The following NTM variants were observed in gnomAD, a reference collection of about 807,000 sequenced individuals.
NTM encodes neurotrimin.
In NTM, 13 loss-of-function variants were observed where a neutral mutation model predicts 42.1. That is an observed-to-expected ratio of 0.31 (90% CI 0.20 to 0.49). The LOEUF (loss-of-function observed/expected upper bound fraction) is 0.49, where lower values mean the gene tolerates loss of function less well. NTM is among the 20% of genes least tolerant of loss of function. The pLI, the probability that NTM is intolerant of heterozygous loss-of-function variation, is 0.99. For missense variants in NTM, 373 were observed against 452.8 expected, an observed-to-expected ratio of 0.82 and a Z score of 1.60; for synonymous variants, 187 against 179.2, an observed-to-expected ratio of 1.04 and a Z score of -0.35.
At chr11:131,779,138 G>A (rs1275841666) in intron 1 of NTM, among the ~76,000 whole-genome samples, 3 of 152,188 alleles carry the variant, frequency 2.0e-5, no homozygotes, top group African/African-American at 7.2e-5. Flanking sequence ...CAGCTCATAA[G>A]ATCACAAGGA....
At chr11:131,807,094 T>G (rs1436258) in intron 1 of NTM, among the ~76,000 whole-genome samples, 120,807 of 152,008 alleles carry the variant, frequency 0.79, 48,756 homozygotes, top group African/African-American at 0.91. Flanking sequence ...AGAAGGAACA[T>G]TCCAGTCCAA....
intron 2 of NTM, among the ~76,000 whole-genome samples, chr11:132,057,500 C>T (rs1259762579): frequency 1.3e-5 from 2 of 152,154 alleles, no homozygotes; most frequent in Non-Finnish European, 2.9e-5. Flanking sequence ...TAAATACTTG[C>T]AATTTTTCCT....
intron 1 of NTM, among the ~76,000 whole-genome samples, chr11:131,436,629 A>G (rs1949158883): frequency 6.6e-6 from 1 of 152,076 alleles, no homozygotes; most frequent in African/African-American, 2.4e-5. Context: ...CGGTGGTGAT[A>G]TCCCATTTAT....
intron 4 of NTM, among the ~76,000 whole-genome samples, chr11:132,218,406 A>G (rs1170020796): frequency 6.6e-6 from 1 of 152,188 alleles, no homozygotes; most frequent in Non-Finnish European, 1.5e-5. Context: ...TCCTTGCAAT[A>G]ATCCAAGAAG....
At chr11:132,076,871 C>A (rs2058434044) in intron 2 of NTM, among the ~76,000 whole-genome samples, 1 of 152,170 alleles carries the variant, frequency 6.6e-6, no homozygotes, top group Admixed American at 6.5e-5. Flanking sequence ...TTGGTCTTGT[C>A]ATCATTTTTA....
chr11:131,649,000 A>C (rs1446145261), intron 1 of NTM, among the ~76,000 whole-genome samples: 1 of 152,226 alleles, frequency 6.6e-6, no homozygotes, highest in East Asian at 1.9e-4. Context: ...CTGAGAAAAA[A>C]GCAGGCCCCC....
At chr11:131,403,716 A>G (rs920077408) in intron 1 of NTM, among the ~76,000 whole-genome samples, 1 of 152,208 alleles carries the variant, frequency 6.6e-6, no homozygotes, top group African/African-American at 2.4e-5. Flanking sequence ...ATAATCTTCC[A>G]AAAATCTCCT....
intron 3 of NTM, among the ~76,000 whole-genome samples, chr11:132,206,353 C>T (rs2081990425): frequency 6.6e-6 from 1 of 152,164 alleles, no homozygotes; most frequent in Non-Finnish European, 1.5e-5. Flanking sequence ...TCCCATTTTT[C>T]ATTGATTCTG....
intron 1 of NTM, among the ~76,000 whole-genome samples, chr11:131,600,294 T>C (rs1392845438): frequency 6.6e-6 from 1 of 152,178 alleles, no homozygotes; most frequent in Non-Finnish European, 1.5e-5. Context: ...GGATGAATAA[T>C]AGAAAAGGTT....
chr11:131,601,481 A>T (rs1781547890), intron 1 of NTM, among the ~76,000 whole-genome samples: 1 of 152,204 alleles, frequency 6.6e-6, no homozygotes, highest in South Asian at 2.1e-4. Context: ...TGAATAATTA[A>T]ATCATTTGTT....
At chr11:131,449,563 A>G (rs1048591812) in intron 1 of NTM, among the ~76,000 whole-genome samples, 6 of 152,180 alleles carry the variant, frequency 3.9e-5, no homozygotes, top group Admixed American at 3.3e-4. Flanking sequence ...TGATGGCTGC[A>G]CAGCCAGATG....
rs554556623 is a variant in NTM, at chr11:132,208,208, G to T, written c.401-3814G>T. Among the ~76,000 whole-genome samples, 7 of 152,332 alleles carry T rather than the reference G, an allele frequency of 4.6e-5. No individual in the cohort carries two copies. In the South Asian group the frequency reaches 1.4e-3, roughly 32 times the overall value. On this transcript the variant is annotated intron_variant, in intron 3 of 8. Coordinates refer to ENST00000683400, the MANE Select transcript of NTM (RefSeq NM_001352005.2). Reference sequence around the variant, plus strand: ...GAAGCTTCCTTATGAGGATGGCTTAGCTAAAACCACAGTGCACCCTAATCA... The same window carrying T: ...GAAGCTTCCTTATGAGGATGGCTTATCTAAAACCACAGTGCACCCTAATCA...
At chr11:131,723,331 G>A (rs1331161015) in intron 1 of NTM, among the ~76,000 whole-genome samples, 4 of 152,226 alleles carry the variant, frequency 2.6e-5, no homozygotes, top group African/African-American at 9.6e-5. Context: ...GTAGAGCCAA[G>A]GATCAGTTAC....
chr11:131,786,706 A>C (rs770828935), intron 1 of NTM, among the ~76,000 whole-genome samples: 9 of 151,928 alleles, frequency 5.9e-5, no homozygotes, highest in Non-Finnish European at 1.2e-4. Context: ...AAAACATGTT[A>C]AAGTCAAGCT....
At chr11:131,885,246 C>G (rs1360667431) in intron 1 of NTM, among the ~76,000 whole-genome samples, 1 of 152,172 alleles carries the variant, frequency 6.6e-6, no homozygotes, top group Non-Finnish European at 1.5e-5. Context: ...AGCAAACAGG[C>G]AAAGACTCCT....
chr11:131,835,008 G>A (rs1565610758), intron 1 of NTM, among the ~76,000 whole-genome samples: 1 of 152,084 alleles, frequency 6.6e-6, no homozygotes, highest in Admixed American at 6.6e-5. Flanking sequence ...TTCTTACTAT[G>A]TGTTCAGTAT....
chr11:131,610,405 G>T (rs1308203641), intron 1 of NTM, among the ~76,000 whole-genome samples: 1 of 152,204 alleles, frequency 6.6e-6, no homozygotes, highest in African/African-American at 2.4e-5. Context: ...TGGGGCTTTT[G>T]GCCCACGGAA....
At chr11:132,190,917 G>T (rs1267631870) in intron 3 of NTM, among the ~76,000 whole-genome samples, 1 of 151,718 alleles carries the variant, frequency 6.6e-6, no homozygotes, top group Non-Finnish European at 1.5e-5. Context: ...GCCATTGGAG[G>T]TTTATAAGCA....
intron 4 of NTM, among the ~76,000 whole-genome samples, chr11:132,262,426 A>T (rs1032340800): frequency 6.6e-6 from 1 of 152,142 alleles, no homozygotes; most frequent in African/African-American, 2.4e-5. Flanking sequence ...AACAACAGAC[A>T]TTTACTTCTC....
Sources: allele counts gnomAD v4.1 joint callset (sites outside exome capture counted in the v4.1 genomes callset), GRCh38; gene constraint gnomAD v4.1.1; transcripts MANE v1.5; gene names NCBI Gene and HGNC (gene_info 2026-07-23, HGNC 2026-07-21).